The following NRXN1 variants were observed in gnomAD, a reference collection of about 807,000 sequenced individuals.
NRXN1 encodes neurexin-1.
NRXN1 carries 39 observed loss-of-function variants against 150.9 expected under a neutral mutation model. The observed-to-expected ratio is 0.26, with a 90% CI of 0.20 to 0.34. The LOEUF is 0.34. Ranked by LOEUF, NRXN1 falls within the 10% of genes least tolerant of loss-of-function variation. The probability of loss-of-function intolerance (pLI) is 1.00; values close to 1 mark genes in which losing one functional copy is unlikely to be tolerated. For missense variants in NRXN1, 1,815 were observed against 1,949.9 expected, an observed-to-expected ratio of 0.93 and a Z score of 1.30; for synonymous variants, 924 against 757.0, an observed-to-expected ratio of 1.22 and a Z score of -3.62.
chr2:50,837,493 T>C (rs562202178), intron 5 of NRXN1, among the ~76,000 whole-genome samples: 3 of 152,224 alleles, frequency 2.0e-5, no homozygotes, highest in East Asian at 3.9e-4. Context: ...CTTGCAAAAC[T>C]GGGAAAATCA....
At chr2:50,150,410 T>C (rs1388189691) in intron 18 of NRXN1, among the ~76,000 whole-genome samples, 2 of 151,816 alleles carry the variant, frequency 1.3e-5, no homozygotes, top group African/African-American at 4.8e-5. Flanking sequence ...GGATGTATTG[T>C]CTATTTTTTT....
At chr2:50,485,210 G>C (rs1188200276) in intron 15 of NRXN1, among the ~76,000 whole-genome samples, 2 of 152,132 alleles carry the variant, frequency 1.3e-5, no homozygotes, top group African/African-American at 2.4e-5. Context: ...TGCCAACACA[G>C]TCAATATCAG....
intron 5 of NRXN1, among the ~76,000 whole-genome samples, chr2:50,654,145 A>G (rs1265961829): frequency 1.4e-5 from 2 of 144,872 alleles, no homozygotes; most frequent in Non-Finnish European, 3.0e-5. Flanking sequence ...TCGTCATTTA[A>G]CATTAGGTAT....
intron 18 of NRXN1, among the ~76,000 whole-genome samples, chr2:50,093,213 CA>C (rs2152700126): frequency 6.6e-6 from 1 of 152,144 alleles, no homozygotes; most frequent in South Asian, 2.1e-4. Context: ...TCAGTCTACA[CA>C]ATACTAAAAT....
chr2:49,980,130 C>T (rs1010668973), intron 21 of NRXN1, among the ~76,000 whole-genome samples: 2 of 152,106 alleles, frequency 1.3e-5, no homozygotes, highest in Non-Finnish European at 2.9e-5. Flanking sequence ...AAGCTAGCAA[C>T]TGAAAGTCTA....
At chr2:50,135,633 G>A (rs1264440302) in intron 18 of NRXN1, among the ~76,000 whole-genome samples, 2 of 152,186 alleles carry the variant, frequency 1.3e-5, no homozygotes, top group Non-Finnish European at 2.9e-5. Context: ...AGAGCTTGCA[G>A]TGAGCTGAGA....
chr2:50,266,002 ATTTTT>A (rs747310591), intron 17 of NRXN1, among the ~76,000 whole-genome samples: 55 of 84,680 alleles, frequency 6.5e-4, no homozygotes, highest in Non-Finnish European at 1.1e-3. Context: ...ATTATTATTT[ATTTTT>A]TTTTTTTTTG....
intron 18 of NRXN1, among the ~76,000 whole-genome samples, chr2:50,140,050 A>G (rs1376949119): frequency 6.6e-6 from 1 of 152,216 alleles, no homozygotes; most frequent in Admixed American, 6.5e-5. Flanking sequence ...TAAATGAATT[A>G]TAAGGATAGC....
chr2:51,009,009 T>C (rs538527566), intron 2 of NRXN1, among the ~76,000 whole-genome samples: 4 of 152,000 alleles, frequency 2.6e-5, no homozygotes, highest in South Asian at 4.1e-4. Context: ...AGGCAAAAAT[T>C]AGAACCCAGC....
At chr2:50,845,774 C>T (rs1673554379) in intron 5 of NRXN1, among the ~76,000 whole-genome samples, 2 of 152,162 alleles carry the variant, frequency 1.3e-5, no homozygotes, top group South Asian at 4.1e-4. Context: ...TACCTCCCTC[C>T]CCACCACAGA....
At chr2:49,972,029 C>G (rs898285375) in intron 21 of NRXN1, among the ~76,000 whole-genome samples, 1 of 152,016 alleles carries the variant, frequency 6.6e-6, no homozygotes, top group Non-Finnish European at 1.5e-5. Flanking sequence ...GCGGGCAACC[C>G]AAAAGATTGC....
chr2:50,105,203 T>A (rs1439682850), intron 18 of NRXN1: 1 of 152,078 alleles, frequency 6.6e-6, no homozygotes, highest in Non-Finnish European at 1.5e-5. Flanking sequence ...TGTATACTGA[T>A]AAGTTTTCCA....
intron 8 of NRXN1, among the ~76,000 whole-genome samples, chr2:50,607,563 G>A (rs926746923): frequency 1.3e-5 from 2 of 152,064 alleles, no homozygotes; most frequent in African/African-American, 4.8e-5. Flanking sequence ...TTAGCAAATT[G>A]TGGTAAGGTA....
chr2:50,558,528 G>C (rs540637145), intron 8 of NRXN1, among the ~76,000 whole-genome samples: 1 of 152,274 alleles, frequency 6.6e-6, no homozygotes, highest in South Asian at 2.1e-4. Flanking sequence ...CAAGTAAGTA[G>C]AGGAATTTAT....
At chr2:50,241,966 ATAAT>A (rs1263046246) in intron 17 of NRXN1, among the ~76,000 whole-genome samples, 2 of 151,848 alleles carry the variant, frequency 1.3e-5, no homozygotes, top group African/African-American at 4.8e-5. Flanking sequence ...GAACAATAAT[ATAAT>A]TAACTTCGGA....
chr2:50,486,669 A>G (rs6753552), intron 15 of NRXN1, among the ~76,000 whole-genome samples: 137,011 of 152,032 alleles, frequency 0.9, 62,024 homozygotes, highest in African/African-American at 0.95. Flanking sequence ...TGAGTGGGGC[A>G]TGAGGAGGGG....
At chr2:51,004,611 C>A (rs542187310) in intron 2 of NRXN1, among the ~76,000 whole-genome samples, 14 of 151,992 alleles carry the variant, frequency 9.2e-5, no homozygotes, top group African/African-American at 2.9e-4. Flanking sequence ...TCACTACAGT[C>A]CTGCCTGGAC....
At chr2:50,935,604 G>A (rs1688415387) in intron 2 of NRXN1, among the ~76,000 whole-genome samples, 1 of 152,096 alleles carries the variant, frequency 6.6e-6, no homozygotes, top group African/African-American at 2.4e-5. Context: ...GCAGGCACCT[G>A]TAATTCCAGC....
At chr2:50,822,908 T>C (rs1346714161) in intron 5 of NRXN1, among the ~76,000 whole-genome samples, 1 of 152,220 alleles carries the variant, frequency 6.6e-6, no homozygotes, top group Admixed American at 6.5e-5. Flanking sequence ...TACATTGTAA[T>C]GAATTAATCT....
Sources: allele counts gnomAD v4.1 joint callset (sites outside exome capture counted in the v4.1 genomes callset), GRCh38; gene constraint gnomAD v4.1.1; transcripts MANE v1.5; gene names NCBI Gene and HGNC (gene_info 2026-07-23, HGNC 2026-07-21).